LARGE1: variants seen among roughly 807,000 people sequenced by gnomAD.
The protein encoded by LARGE1 is xylosyl- and glucuronyltransferase LARGE1.
Under a neutral mutation model 87.6 loss-of-function variants are expected in LARGE1, and 43 were observed. That is an observed-to-expected ratio of 0.49 (90% CI 0.38 to 0.63). The LOEUF (loss-of-function observed/expected upper bound fraction) is 0.63. LARGE1 is among the 30% of genes least tolerant of loss of function. The probability of loss-of-function intolerance (pLI) is 0.00; values close to 1 mark genes in which losing one functional copy is unlikely to be tolerated. For synonymous variants in LARGE1, 434 were observed against 394.6 expected (o/e 1.10, Z -1.18); for missense variants, 802 against 1,000.2 (o/e 0.80, Z 2.67).
chr22:33,535,852 T>C (rs575689323), intron 6 of LARGE1, among the ~76,000 whole-genome samples: 3 of 152,320 alleles, frequency 2.0e-5, no homozygotes, highest in South Asian at 4.1e-4. Flanking sequence ...TCCTGAAATT[T>C]GCCGGCAACC....
At chr22:33,135,258 C>T in the LARGE1 span, among the ~76,000 whole-genome samples, 1 of 152,106 alleles carries the variant, frequency 6.6e-6, no homozygotes, top group African/African-American at 2.4e-5. Flanking sequence ...ATGAGAGTTT[C>T]AGGGAAGTCC....
chr22:33,863,921 G>A (rs2064009860), intron 1 of LARGE1, among the ~76,000 whole-genome samples: 1 of 152,196 alleles, frequency 6.6e-6, no homozygotes, highest in Non-Finnish European at 1.5e-5. Flanking sequence ...TTCACTTGAA[G>A]GCAAAGTCAT....
In LARGE1 at chr22:33,303,918, C is replaced by A. The variant is rs1237023339; in HGVS notation, c.1730+311G>T. On this transcript the variant is annotated intron_variant, in intron 12 of 14. Transcript: ENST00000397394. ...GATTACAGGCGAGAGCCATCGCGTG[C>A]CTGCCTGAGGAGGGTATGTTTTCAT... Among the ~76,000 whole-genome samples, 4 of 152,202 alleles carry A rather than the reference C, an allele frequency of 2.6e-5. No homozygotes were observed. In the East Asian group the frequency reaches 7.7e-4, roughly 29 times the overall value.
intron 1 of LARGE1, among the ~76,000 whole-genome samples, chr22:33,857,798 T>G (rs2063797247): frequency 6.6e-6 from 1 of 151,888 alleles, no homozygotes; most frequent in African/African-American, 2.4e-5. Context: ...CTGGTAGGAG[T>G]GTAAATTAGT....
intron 6 of LARGE1, among the ~76,000 whole-genome samples, chr22:33,434,760 G>A (rs2067204554): frequency 6.6e-6 from 1 of 152,030 alleles, no homozygotes; most frequent in Non-Finnish European, 1.5e-5. Flanking sequence ...CTTTATTCCT[G>A]CCAAACAAAA....
At chr22:33,088,200 C>T in the LARGE1 span, among the ~76,000 whole-genome samples, 1 of 151,978 alleles carries the variant, frequency 6.6e-6, no homozygotes, top group African/African-American at 2.4e-5. Flanking sequence ...AGATGATATC[C>T]AATTTTTAAT....
chr22:33,444,214 A>AT (rs1018482354), intron 6 of LARGE1, among the ~76,000 whole-genome samples: 2 of 152,158 alleles, frequency 1.3e-5, no homozygotes, highest in Admixed American at 6.5e-5. Context: ...TTTAATTTTT[A>AT]TTTTTTTAAC....
chr22:33,465,519 G>T (rs2068570166), intron 6 of LARGE1, among the ~76,000 whole-genome samples: 1 of 152,150 alleles, frequency 6.6e-6, no homozygotes, highest in Non-Finnish European at 1.5e-5. Context: ...AAACAATAAT[G>T]ATTGCAACAA....
chr22:33,169,748 G>A (rs1456645091), intron 11 of LARGE1, among the ~76,000 whole-genome samples: 1 of 152,066 alleles, frequency 6.6e-6, no homozygotes, highest in Non-Finnish European at 1.5e-5. Context: ...CTATTAGGGT[G>A]GCTGAGGCAG....
At chr22:33,641,306 T>C (rs2080424867) in intron 3 of LARGE1, among the ~76,000 whole-genome samples, 2 of 152,180 alleles carry the variant, frequency 1.3e-5, no homozygotes, top group South Asian at 4.1e-4. Flanking sequence ...AAGAGGGGCC[T>C]GTTAGAAGGA....
intron 1 of LARGE1, among the ~76,000 whole-genome samples, chr22:33,820,930 C>T (rs1475992783): frequency 1.3e-5 from 2 of 152,134 alleles, no homozygotes; most frequent in Admixed American, 1.3e-4. Context: ...GCTCTCTGTT[C>T]CAGGGTAGCT....
At chr22:33,757,902 T>C (rs2084579878) in intron 2 of LARGE1, among the ~76,000 whole-genome samples, 2 of 152,186 alleles carry the variant, frequency 1.3e-5, no homozygotes, top group South Asian at 4.1e-4. Context: ...GGCATTGCCT[T>C]TGTGTTCTGA....
intron 1 of LARGE1, among the ~76,000 whole-genome samples, chr22:33,870,407 GAC>G (rs2064240101): frequency 6.6e-6 from 1 of 152,196 alleles, no homozygotes; most frequent in Non-Finnish European, 1.5e-5. Flanking sequence ...GACAAGTACT[GAC>G]ACAGTTGGGT....
intron 11 of LARGE1, among the ~76,000 whole-genome samples, chr22:33,239,362 G>C (rs1485395736): frequency 6.6e-6 from 1 of 152,016 alleles, no homozygotes; most frequent in Non-Finnish European, 1.5e-5. Flanking sequence ...CCAGCATTTA[G>C]TATCAACAGA....
intron 1 of LARGE1, among the ~76,000 whole-genome samples, chr22:33,817,370 G>A (rs553134135): frequency 5.9e-5 from 9 of 152,208 alleles, no homozygotes; most frequent in Middle Eastern, 3.4e-3. Context: ...TTTAATGCTT[G>A]AAATAGCTCT....
In LARGE1 at chr22:33,382,446, A is replaced by G. The variant is rs546162097; in HGVS notation, c.1006-402T>C. Among the ~76,000 whole-genome samples, 6 of 152,274 alleles carry G rather than the reference A, an allele frequency of 3.9e-5. No individual in the cohort carries two copies. In the East Asian group the frequency reaches 1.2e-3, roughly 29 times the overall value. ...CCTGGAGAGGAAACTGCATGATGAC[A>G]AGTAGCCCCACTCATTCAGGGACTG... On this transcript the variant is annotated intron_variant, in intron 8 of 14. Transcript: ENST00000397394.
chr22:33,493,383 A>T (rs1022096693), intron 6 of LARGE1, among the ~76,000 whole-genome samples: 1 of 149,728 alleles, frequency 6.7e-6, no homozygotes, highest in Admixed American at 6.6e-5. Context: ...CTGGTCTTGA[A>T]CTCCTGACCT....
At chr22:33,765,587 C>A (rs1360091945) in intron 1 of LARGE1, among the ~76,000 whole-genome samples, 1 of 151,692 alleles carries the variant, frequency 6.6e-6, no homozygotes, top group Middle Eastern at 3.2e-3. Context: ...CGCCTGTAAT[C>A]CCAGCTACTT....
the LARGE1 span, among the ~76,000 whole-genome samples, chr22:33,137,826 G>A: frequency 1.3e-5 from 2 of 152,330 alleles, no homozygotes; most frequent in South Asian, 4.1e-4. Flanking sequence ...TGAGGTTTGG[G>A]AACCTCCAAT....
Sources: gnomAD v4.1 joint callset for allele counts (sites outside exome capture counted in the v4.1 genomes callset) on GRCh38, gnomAD v4.1.1 for gene constraint, MANE v1.5 for transcripts, NCBI Gene and HGNC (gene_info 2026-07-23, HGNC 2026-07-21) for gene names.